The following DHRS7 variants were observed in gnomAD, a reference collection of about 807,000 sequenced individuals.
DHRS7 encodes dehydrogenase/reductase SDR family member 7.
A neutral mutation model predicts 38.9 loss-of-function variants in DHRS7; 34 were observed. That is an observed-to-expected ratio of 0.87 (90% CI 0.66 to 1.16). The LOEUF (loss-of-function observed/expected upper bound fraction) is 1.16. Ranked by LOEUF, DHRS7 falls within the 50% of genes most tolerant of loss-of-function variation. The pLI, the probability that DHRS7 is intolerant of heterozygous loss-of-function variation, is 0.00. For missense variants in DHRS7, 421 were observed against 407.0 expected, an observed-to-expected ratio of 1.03 and a Z score of -0.30; for synonymous variants, 158 against 153.1, an observed-to-expected ratio of 1.03 and a Z score of -0.24.
chr14:60,152,888 C>T (rs770624248), intron 4 of DHRS7, 51 bp downstream of exon 4: 1 of 1,604,048 alleles, frequency 6.2e-7, no homozygotes, highest in African/African-American at 1.3e-5. Flanking sequence ...CCATATCCCC[C>T]ATATACACAT....
chr14:60,145,066 T>G lies in DHRS7; in HGVS notation c.973-53A>C. 1.6e-6 allele frequency: 2 copies of G among 1,261,416 alleles called. No homozygotes were observed. Among genetic ancestry groups the G allele is most frequent in the Non-Finnish European group, 2.1e-6 (2 of 934,178 alleles). The allele number at this position is 1,261,416 out of a possible 1,614,324, so 78.1% of individuals were successfully genotyped here. A position where few individuals can be genotyped will look rare whatever the true frequency, so the allele number is the denominator to read the frequency against. ...CAGTACCTACTCCTATTTACTCCAG[T>G]TTTTAACATTTAAGTCCTTCTGTTT... On this transcript the variant is annotated intron_variant, in intron 6 of 6. Transcript: ENST00000557185. This position sits in a 1 kb window ranked among gnomAD's most constrained non-coding sequence, Gnocchi z 4.0.
At chr14:60,155,077 T>G (rs966406414) in intron 2 of DHRS7, among the ~76,000 whole-genome samples, 23 of 152,222 alleles carry the variant, frequency 1.5e-4, no homozygotes, top group Admixed American at 1.5e-3. Context: ...GTTGGAAAAT[T>G]CAAAATTATC....
intron 6 of DHRS7, chr14:60,149,097 C>T (rs1181322742): frequency 9.0e-6 from 4 of 443,388 alleles, no homozygotes; most frequent in East Asian, 4.7e-5. Context: ...CTCAGCCTCC[C>T]GAGTAGCTGG....
At chr14:60,165,987 CTGTT>C (rs1467434704), upstream of DHRS7, among the ~76,000 whole-genome samples, 8 of 152,236 alleles carry the variant, frequency 5.3e-5, no homozygotes, top group Admixed American at 3.9e-4. The surrounding 1 kb of genome is among the most constrained non-coding windows in gnomAD (Gnocchi z 4.6). Context: ...ACTCTGGTGT[CTGTT>C]TGGCAACCAA....
At chr14:60,164,073 C>T (rs1309001809) in intron 1 of DHRS7, among the ~76,000 whole-genome samples, 2 of 151,800 alleles carry the variant, frequency 1.3e-5, no homozygotes, top group South Asian at 2.1e-4. Context: ...CAGTGCTGCA[C>T]ATGCTATACC....
intron 4 of DHRS7, among the ~76,000 whole-genome samples, chr14:60,151,210 T>C (rs527336939): frequency 6.6e-6 from 1 of 152,326 alleles, no homozygotes; most frequent in African/African-American, 2.4e-5. Context: ...TAATTAAAAA[T>C]GTAATATGAT....
rs1896588949 is a variant in DHRS7, at chr14:60,153,310, G to T, written c.394-132C>A. On this transcript the variant is annotated intron_variant, in intron 3 of 6. Transcript: ENST00000557185. This position sits in a 1 kb window ranked among gnomAD's most constrained non-coding sequence, Gnocchi z 4.4. ...AACAATGGTATATTTCCAGAAGTCAGCAATTAAAAAGATAAAATAAAGCCC... is the reference window on the plus strand; with the variant it reads ...AACAATGGTATATTTCCAGAAGTCATCAATTAAAAAGATAAAATAAAGCCC... The T allele has an allele frequency of 9.0e-7, 1 of 1,112,072 alleles. No homozygotes were observed. The highest frequency in any genetic ancestry group is 1.3e-6 in the Non-Finnish European group (1 of 798,012). 68.9% of individuals were successfully genotyped at this position (1,112,072 alleles called of 1,614,324 possible). A position where few individuals can be genotyped will look rare whatever the true frequency, so the allele number is the denominator to read the frequency against.
chr14:60,168,565 A>T, upstream of DHRS7: 1 of 1,160,770 alleles, frequency 8.6e-7, no homozygotes, highest in Non-Finnish European at 1.2e-6. Context: ...CTGTGAATCT[A>T]TAATCATTTT....
At chr14:60,165,452 A>G, upstream of DHRS7, 4 of 1,366,822 alleles carry the variant, frequency 2.9e-6, no homozygotes, top group South Asian at 5.0e-5. This position sits in a 1 kb window ranked among gnomAD's most constrained non-coding sequence, Gnocchi z 4.6. Flanking sequence ...GGCCGGGAGG[A>G]GGAGCGGCTC....
Position 60,145,341 on chromosome 14 carries a change from G to C in DHRS7, c.973-328C>G. On this transcript the variant is annotated intron_variant, in intron 6 of 6. Coordinates refer to ENST00000557185, the MANE Select transcript of DHRS7 (RefSeq NM_016029.4). The surrounding 1 kb of genome is among the most constrained non-coding windows in gnomAD (Gnocchi z 4.0). ...ACTTGCCCTAATAAATAAAAACAAT[G>C]AGTCAGATTATGTAGAATTGAGATA... is the stretch of plus-strand genomic sequence containing the variant. 1 of 178,396 alleles carries C rather than the reference G, an allele frequency of 5.6e-6. No homozygotes were observed. The highest frequency in any genetic ancestry group is 1.2e-5 in the Non-Finnish European group (1 of 85,930). The allele number at this position is 178,396 out of a possible 1,614,324, so 11.1% of individuals were successfully genotyped here.
chr14:60,163,707 T>G (rs1896808227), intron 1 of DHRS7, among the ~76,000 whole-genome samples: 2 of 152,348 alleles, frequency 1.3e-5, no homozygotes, highest in Admixed American at 1.3e-4. Context: ...AGATATTCAT[T>G]CAGATGTTGT....
In DHRS7 at chr14:60,165,053, T is replaced by C. The variant is rs1348005964; in HGVS notation, c.133+124A>G. On this transcript the variant is annotated intron_variant, in intron 1 of 6. Transcript: ENST00000557185. This position sits in a 1 kb window ranked among gnomAD's most constrained non-coding sequence, Gnocchi z 4.6. ...CCCCTGCGTAAGGGGCAGCCGGGCC[T>C]TCGGGAAGCTCCACGCAACCCACAA... 7 of 1,297,996 alleles carry C rather than the reference T, an allele frequency of 5.4e-6. No individual in the cohort carries two copies. The South Asian group carries it at 6.6e-5, about 12-fold the overall frequency. 80.4% of individuals were successfully genotyped at this position (1,297,996 alleles called of 1,614,324 possible).
At chr14:60,158,371 C>T (rs1896699937) in intron 1 of DHRS7, among the ~76,000 whole-genome samples, 1 of 151,964 alleles carries the variant, frequency 6.6e-6, no homozygotes, top group Admixed American at 6.6e-5. Context: ...AGGACTTTAT[C>T]AAGAACAACA....
upstream of DHRS7, among the ~76,000 whole-genome samples, chr14:60,167,457 C>T (rs990826226): frequency 6.6e-6 from 1 of 152,196 alleles, no homozygotes; most frequent in African/African-American, 2.4e-5. Context: ...TGGTACCCTG[C>T]CTTCCCTCCT....
In DHRS7 at chr14:60,153,057, C is replaced by CA. The variant is rs1306023619; in HGVS notation, c.514dup (p.Cys172LeufsTer19). The CA allele has an allele frequency of 6.2e-7, 1 of 1,614,226 alleles. No homozygotes were observed. The highest frequency in any genetic ancestry group is 1.1e-5 in the South Asian group (1 of 91,084). ...CCTCTCGATCATGTGAGGCAGAACA[C>CA]ATTTTGTCAAGGACACCGTCCCTAA... is the stretch of plus-strand genomic sequence containing the variant. On this transcript the variant is annotated frameshift_variant, in exon 4 of 7. Coordinates refer to ENST00000557185, the MANE Select transcript of DHRS7 (RefSeq NM_016029.4). LOFTEE classifies it high-confidence loss of function. This position sits in a 1 kb window ranked among gnomAD's most constrained non-coding sequence, Gnocchi z 4.4.
intron 1 of DHRS7, among the ~76,000 whole-genome samples, chr14:60,158,576 T>G (rs1279893926): frequency 6.6e-6 from 1 of 152,228 alleles, no homozygotes; most frequent in African/African-American, 2.4e-5. Flanking sequence ...AAACTTTTAA[T>G]ACAATCACAA....
At chr14:60,163,428 G>A (rs1356025250) in intron 1 of DHRS7, among the ~76,000 whole-genome samples, 2 of 152,126 alleles carry the variant, frequency 1.3e-5, no homozygotes, top group African/African-American at 4.8e-5. Flanking sequence ...AGTTGGGATT[G>A]CAGGTACATG....
upstream of DHRS7, chr14:60,166,388 T>G (rs900122502): frequency 4.9e-6 from 2 of 406,340 alleles, no homozygotes; most frequent in African/African-American, 2.2e-5. Flanking sequence ...TTCATCCTCT[T>G]CATTTCCTAG....
At chr14:60,160,672 G>T (rs906792108) in intron 1 of DHRS7, among the ~76,000 whole-genome samples, 7 of 152,050 alleles carry the variant, frequency 4.6e-5, no homozygotes, top group Admixed American at 3.3e-4. Context: ...CAACCTCCAC[G>T]GCTCAGGCTC....
Sources: allele counts gnomAD v4.1 joint callset (sites outside exome capture counted in the v4.1 genomes callset), GRCh38; gene constraint gnomAD v4.1.1; non-coding constraint Gnocchi (gnomAD v3.1); transcripts MANE v1.5; gene names NCBI Gene and HGNC (gene_info 2026-07-23, HGNC 2026-07-21).